Variants in MAN1A1 observed in about 807,000 individuals in gnomAD.
MAN1A1 encodes mannosidase alpha class 1A member 1.
MAN1A1 carries 29 observed loss-of-function variants against 70.8 expected under a neutral mutation model. That is an observed-to-expected ratio of 0.41 (90% CI 0.31 to 0.56). MAN1A1 has a LOEUF of 0.56. Among genes scored for constraint, MAN1A1 ranks in the 20% least tolerant of loss-of-function variants. MAN1A1 has a pLI of 0.29. For missense variants in MAN1A1, 747 were observed against 841.3 expected (o/e 0.89, Z 1.39); for synonymous variants, 349 against 330.1 (o/e 1.06, Z -0.62).
At chr6:119,245,226 T>C (rs552786607) in intron 6 of MAN1A1, among the ~76,000 whole-genome samples, 1 of 152,262 alleles carries the variant, frequency 6.6e-6, no homozygotes, top group South Asian at 2.1e-4. Flanking sequence ...CCTCCTTTTT[T>C]CTTCTCCTGG....
chr6:119,202,220 A>G (rs1251898875), intron 7 of MAN1A1, among the ~76,000 whole-genome samples: 1 of 152,114 alleles, frequency 6.6e-6, no homozygotes, highest in African/African-American at 2.4e-5. Context: ...TTATATTCTT[A>G]TAAGTTTTTT....
chr6:119,203,583 TAC>T (rs1773775331), intron 7 of MAN1A1, among the ~76,000 whole-genome samples: 3 of 152,086 alleles, frequency 2.0e-5, no homozygotes, highest in East Asian at 1.9e-4. Context: ...GTACATACAG[TAC>T]ACCAGGTGAC....
chr6:119,339,494 G>A (rs1352024410), intron 2 of MAN1A1, among the ~76,000 whole-genome samples: 1 of 152,184 alleles, frequency 6.6e-6, no homozygotes. Context: ...AGTATATATA[G>A]TGTGGTTATA....
At chr6:119,237,521 G>A (rs970243605) in intron 6 of MAN1A1, among the ~76,000 whole-genome samples, 2 of 151,752 alleles carry the variant, frequency 1.3e-5, no homozygotes, top group Admixed American at 6.6e-5. Flanking sequence ...TTGCTTTTTG[G>A]TTTTGTCTTG....
chr6:119,180,475 T>C (rs768203538), intron 11 of MAN1A1, 48 bp from the exon 12 acceptor site: 3 of 961,666 alleles, frequency 3.1e-6, no homozygotes, highest in Middle Eastern at 2.2e-4. Flanking sequence ...AGTAAACTGA[T>C]TGTCACTAAT....
intron 5 of MAN1A1, among the ~76,000 whole-genome samples, chr6:119,252,116 G>C (rs1217023791): frequency 1.3e-5 from 2 of 151,966 alleles, no homozygotes; most frequent in Non-Finnish European, 2.9e-5. Flanking sequence ...TCTCAACGAG[G>C]GCATGGAAGC....
In MAN1A1 at chr6:119,345,188, T is replaced by C. The variant is rs939136636; in HGVS notation, c.603+3275A>G. On this transcript the variant is annotated intron_variant, in intron 2 of 12. Transcript: ENST00000368468. ...AGGCTAATTGAGAAAATGGGAGAGGTTGAGGGGGGGGCGGAGCGGGGGAGA... is the reference window on the plus strand; with the variant it reads ...AGGCTAATTGAGAAAATGGGAGAGGCTGAGGGGGGGGCGGAGCGGGGGAGA... Among the ~76,000 whole-genome samples the C allele has an allele frequency of 4.5e-5, 4 of 88,186 alleles. No homozygotes were observed. The Admixed American group carries it at 5.1e-4, about 11-fold the overall frequency. 57.9% of individuals were successfully genotyped at this position (88,186 alleles called of 152,430 possible).
In MAN1A1 at chr6:119,317,612, C is replaced by T. The variant is rs149083712; in HGVS notation, c.604-10620G>A. On this transcript the variant is annotated intron_variant, in intron 2 of 12. Transcript: ENST00000368468. ...TTCTTTTTAGTGCTGAATAATATTC[C>T]ATTGTCTGGATATACTGCAGTTTAA... Among the ~76,000 whole-genome samples, 610 of 152,024 alleles carry T rather than the reference C, an allele frequency of 4.0e-3. 1 individual carries two copies. Among genetic ancestry groups the T allele is most frequent in the Non-Finnish European group, 6.8e-3 (459 of 67,990 alleles).
chr6:119,218,951 G>C (rs1460831164), intron 6 of MAN1A1, among the ~76,000 whole-genome samples: 1 of 151,924 alleles, frequency 6.6e-6, no homozygotes, highest in Non-Finnish European at 1.5e-5. Context: ...GAAATGCTTT[G>C]ATCTTTAGAA....
chr6:119,298,660 A>C (rs1772293708), intron 4 of MAN1A1, among the ~76,000 whole-genome samples: 2 of 150,062 alleles, frequency 1.3e-5, no homozygotes, highest in African/African-American at 4.9e-5. Context: ...GCAGTGGTGC[A>C]ATCTCAGCTC....
At chr6:119,188,281 T>C (rs1013392135) in intron 11 of MAN1A1, 124 bp downstream of exon 11, 30 of 875,168 alleles carry the variant, frequency 3.4e-5, no homozygotes, top group Non-Finnish European at 5.1e-5. Context: ...CAGTCCTGGG[T>C]GGAAAAAATC....
chr6:119,310,460 G>A (rs1772670694), intron 2 of MAN1A1, among the ~76,000 whole-genome samples: 1 of 152,196 alleles, frequency 6.6e-6, no homozygotes. Context: ...TTTGTAGGAT[G>A]TGATGCTGGC....
chr6:119,210,030 G>A (rs868546189), intron 6 of MAN1A1, among the ~76,000 whole-genome samples: 18 of 152,110 alleles, frequency 1.2e-4, no homozygotes, highest in Admixed American at 3.9e-4. Context: ...ATCTCATCAC[G>A]GGTAGTTGTT....
chr6:119,285,004 A>AT (rs757557930), intron 5 of MAN1A1, among the ~76,000 whole-genome samples: 3 of 152,192 alleles, frequency 2.0e-5, no homozygotes, highest in Non-Finnish European at 4.4e-5. Flanking sequence ...TAGAAGCAGC[A>AT]TAATACCAGC....
At chr6:119,302,131 A>G (rs1479453941) in intron 3 of MAN1A1, 28 bp from the exon 4 acceptor site, 1 of 1,130,992 alleles carries the variant, frequency 8.8e-7, no homozygotes, top group Non-Finnish European at 1.3e-6. Flanking sequence ...ATATTTGATA[A>G]AATACTTTGC....
At chr6:119,288,202 G>C (rs1199976714) in intron 5 of MAN1A1, among the ~76,000 whole-genome samples, 2 of 151,908 alleles carry the variant, frequency 1.3e-5, no homozygotes, top group Non-Finnish European at 2.9e-5. Context: ...ACAATCTTGA[G>C]CTGATATCAA....
chr6:119,330,499 G>A (rs902742414), intron 2 of MAN1A1, among the ~76,000 whole-genome samples: 15 of 151,952 alleles, frequency 9.9e-5, no homozygotes, highest in Non-Finnish European at 2.2e-4. Flanking sequence ...ATGCATTTAG[G>A]CCATCCTCAT....
chr6:119,263,056 G>C (rs1320214360), intron 5 of MAN1A1, among the ~76,000 whole-genome samples: 3 of 152,092 alleles, frequency 2.0e-5, no homozygotes, highest in Non-Finnish European at 4.4e-5. Flanking sequence ...TTCCCGTGCT[G>C]GATGCTTCCT....
intron 6 of MAN1A1, chr6:119,211,016 T>C: frequency 1.5e-5 from 6 of 404,740 alleles, no homozygotes; most frequent in South Asian, 1.1e-4. Context: ...ATTTTTCTAA[T>C]AAGCTTCAAG....
Sources: allele counts gnomAD v4.1 joint callset (sites outside exome capture counted in the v4.1 genomes callset), GRCh38; gene constraint gnomAD v4.1.1; transcripts MANE v1.5; gene names NCBI Gene and HGNC (gene_info 2026-07-23, HGNC 2026-07-21).